Variants in CDH23 observed in about 807,000 individuals in gnomAD.
The protein encoded by CDH23 is cadherin related 23.
CDH23 carries 189 observed loss-of-function variants against 317.1 expected under a neutral mutation model. The ratio of observed to expected loss-of-function variants is 0.60; its 90% CI spans 0.53 to 0.67. The LOEUF (loss-of-function observed/expected upper bound fraction) is 0.67, where lower values mean the gene tolerates loss of function less well. Among genes scored for constraint, CDH23 ranks in the 30% least tolerant of loss-of-function variants. CDH23 has a pLI of 0.00. For missense variants in CDH23, 4,401 were observed against 4,592.4 expected, an observed-to-expected ratio of 0.96 and a Z score of 1.20; for synonymous variants, 1,839 against 1,876.8, an observed-to-expected ratio of 0.98 and a Z score of 0.52.
chr10:71,814,386 G>T (rs1426942669), intron 69 of CDH23, among the ~76,000 whole-genome samples: 6 of 152,230 alleles, frequency 3.9e-5, no homozygotes, highest in Non-Finnish European at 1.5e-5. Flanking sequence ...CTGCATTCCA[G>T]CCTGGGCAAC....
intron 3 of CDH23, among the ~76,000 whole-genome samples, chr10:71,489,903 G>A (rs1304834632): frequency 7.2e-5 from 11 of 152,056 alleles, no homozygotes; most frequent in African/African-American, 1.2e-4. Context: ...TCAGCACCAC[G>A]ATTTCAGAGA....
At chr10:71,785,446 G>T (rs1415893086) in intron 43 of CDH23, among the ~76,000 whole-genome samples, 185 bp from the exon 44 acceptor site, 2 of 152,260 alleles carry the variant, frequency 1.3e-5, no homozygotes, top group Non-Finnish European at 2.9e-5. Flanking sequence ...TCTCTCAGAA[G>T]CAGCAAGGCC....
chr10:71,703,335 G>A (rs1409276193), intron 24 of CDH23, among the ~76,000 whole-genome samples: 3 of 152,218 alleles, frequency 2.0e-5, no homozygotes, highest in Non-Finnish European at 4.4e-5. Flanking sequence ...TAAGAGCATG[G>A]GCCGTGGAGT....
In CDH23 at chr10:71,690,654, G is replaced by A. The variant is rs1027738746; in HGVS notation, c.2176+70G>A. ...GCTGACTGTCCATACCCGGCCCCAG[G>A]ACCAGCCTCTGGGCCCAGGTCCCCT... On this transcript the variant is annotated intron_variant, in intron 20 of 69. Transcript: ENST00000224721. The A allele has an allele frequency of 1.8e-4, 201 of 1,116,612 alleles. 1 individual carries two copies. The East Asian group carries it at 5.1e-3, about 28-fold the overall frequency. 69.2% of individuals were successfully genotyped at this position (1,116,612 alleles called of 1,614,324 possible).
intron 9 of CDH23, among the ~76,000 whole-genome samples, chr10:71,592,517 C>T (rs1859561833): frequency 6.6e-6 from 1 of 152,130 alleles, no homozygotes; most frequent in African/African-American, 2.4e-5. Flanking sequence ...CTTCTGGTGG[C>T]TGCCAGCATC....
At chr10:71,561,287 C>T (rs1175387576) in intron 6 of CDH23, among the ~76,000 whole-genome samples, 1 of 151,888 alleles carries the variant, frequency 6.6e-6, no homozygotes, top group East Asian at 1.9e-4. Context: ...TGTTCCTGTG[C>T]TCTTCCTTCT....
chr10:71,662,545 G>A (rs1042139767), intron 14 of CDH23, among the ~76,000 whole-genome samples: 3 of 152,228 alleles, frequency 2.0e-5, no homozygotes, highest in African/African-American at 4.8e-5. Context: ...CCCAGGTTTC[G>A]CTGCACCCCC....
intron 49 of CDH23, 41 bp downstream of exon 49, chr10:71,797,261 C>A (rs377032309): frequency 1.1e-5 from 15 of 1,408,594 alleles, no homozygotes; most frequent in Middle Eastern, 1.8e-4. Flanking sequence ...TCACTCAGAG[C>A]CAATCAGGGC....
intron 17 of CDH23, among the ~76,000 whole-genome samples, chr10:71,681,351 C>A (rs760064301): frequency 1.3e-5 from 2 of 152,148 alleles, no homozygotes; most frequent in Non-Finnish European, 2.9e-5. Context: ...AGTTGAGAAT[C>A]AATGGCTTAG....
intron 38 of CDH23, among the ~76,000 whole-genome samples, chr10:71,772,342 TC>T (rs1036311193): frequency 3.3e-5 from 5 of 152,134 alleles, no homozygotes; most frequent in African/African-American, 1.2e-4. Context: ...TGCCAAGCCC[TC>T]CACCTCCCTC....
chr10:71,689,256 C>A (rs1348140007), intron 19 of CDH23, among the ~76,000 whole-genome samples: 1 of 151,852 alleles, frequency 6.6e-6, no homozygotes, highest in African/African-American at 2.4e-5. Context: ...ACTGGTCTTT[C>A]CTGGCACCAC....
intron 6 of CDH23, among the ~76,000 whole-genome samples, chr10:71,524,349 AT>A (rs1314121489): frequency 6.6e-6 from 1 of 152,124 alleles, no homozygotes; most frequent in African/African-American, 2.4e-5. Flanking sequence ...TAAGAGAGGA[AT>A]TCCATGAACC....
At chr10:71,459,295 G>T (rs1029865615) in intron 3 of CDH23, among the ~76,000 whole-genome samples, 1 of 151,870 alleles carries the variant, frequency 6.6e-6, no homozygotes, top group African/African-American at 2.4e-5. Context: ...GGGTCTCCCT[G>T]TGTTGCTGAG....
At chr10:71,513,356 A>G (rs6480528) in intron 6 of CDH23, among the ~76,000 whole-genome samples, 111,099 of 152,036 alleles carry the variant, frequency 0.73, 41,913 homozygotes, top group African/African-American at 0.92. Context: ...GGCTCTGACC[A>G]CAGCTGGGGT....
intron 6 of CDH23, among the ~76,000 whole-genome samples, chr10:71,543,462 G>A (rs1856097277): frequency 1.3e-5 from 2 of 152,220 alleles, no homozygotes; most frequent in South Asian, 4.1e-4. Flanking sequence ...ATGTTTATTA[G>A]GGTCCATATG....
At chr10:71,753,108 G>C in intron 38 of CDH23, 1 of 1,367,288 alleles carries the variant, frequency 7.3e-7, no homozygotes, top group South Asian at 1.3e-5. Flanking sequence ...AGCGAGCCCA[G>C]GAGGGCCCTG....
chr10:71,728,799 G>C (rs1434474592), intron 30 of CDH23, among the ~76,000 whole-genome samples: 1 of 152,114 alleles, frequency 6.6e-6, no homozygotes, highest in Non-Finnish European at 1.5e-5. Flanking sequence ...AAACTCCTGG[G>C]CTCCAGCAAT....
intron 9 of CDH23, among the ~76,000 whole-genome samples, chr10:71,584,282 G>T (rs1458825379): frequency 2.0e-5 from 3 of 152,036 alleles, no homozygotes; most frequent in African/African-American, 7.3e-5. Context: ...GAGTGGGGTG[G>T]GTGATGATGA....
chr10:71,806,026 GGGTCTGGGGC>G, intron 56 of CDH23, 29 bp downstream of exon 56: 1 of 1,567,170 alleles, frequency 6.4e-7, no homozygotes, highest in Non-Finnish European at 8.6e-7. Context: ...GCGAGGGGCG[GGGTCTGGGGC>G]GGGGCTTTCT....
Sources: gnomAD v4.1 joint callset for allele counts (sites outside exome capture counted in the v4.1 genomes callset) on GRCh38, gnomAD v4.1.1 for gene constraint, MANE v1.5 for transcripts, NCBI Gene and HGNC (gene_info 2026-07-23, HGNC 2026-07-21) for gene names.